The following QRSL1 variants were observed in gnomAD, a reference collection of about 807,000 sequenced individuals.
The protein encoded by QRSL1 is glutaminyl-tRNA amidotransferase subunit QRSL1, also known as glutamyl-tRNA(Gln) amidotransferase subunit A, mitochondrial.
Under a neutral mutation model 61.6 loss-of-function variants are expected in QRSL1, and 54 were observed. That is an observed-to-expected ratio of 0.88 (90% CI 0.70 to 1.10). The LOEUF is 1.10. Among genes scored for constraint, QRSL1 ranks in the 50% least tolerant of loss-of-function variants. The pLI, the probability that QRSL1 is intolerant of heterozygous loss-of-function variation, is 0.00. For missense variants in QRSL1, 505 were observed against 622.6 expected, an observed-to-expected ratio of 0.81 and a Z score of 2.01; for synonymous variants, 228 against 225.7, an observed-to-expected ratio of 1.01 and a Z score of -0.09.
At chr6:106,651,626 C>T (rs958689752) in intron 5 of QRSL1, among the ~76,000 whole-genome samples, 3 of 151,936 alleles carry the variant, frequency 2.0e-5, no homozygotes, top group African/African-American at 7.3e-5. Flanking sequence ...TTAGAAACAA[C>T]GTAAGAGTTT....
chr6:106,652,756 A>T, intron 7 of QRSL1, 174 bp downstream of exon 7: 2 of 1,512,606 alleles, frequency 1.3e-6, no homozygotes, highest in Non-Finnish European at 8.9e-7. Context: ...GTAAAATAGG[A>T]ATAATAAAAA....
intron 4 of QRSL1, among the ~76,000 whole-genome samples, chr6:106,646,209 A>G (rs1385636474): frequency 2.0e-5 from 3 of 152,178 alleles, no homozygotes; most frequent in African/African-American, 7.2e-5. Context: ...ATGAGAGTAT[A>G]TTTGAACAAA....
intron 10 of QRSL1, among the ~76,000 whole-genome samples, chr6:106,665,117 T>C (rs1777410452): frequency 6.6e-6 from 1 of 152,228 alleles, no homozygotes; most frequent in South Asian, 2.1e-4. Flanking sequence ...TCAAGTTATA[T>C]GTATCCTTTA....
intron 9 of QRSL1, among the ~76,000 whole-genome samples, chr6:106,661,976 G>T (rs980371975): frequency 1.2e-4 from 19 of 152,114 alleles, no homozygotes; most frequent in African/African-American, 4.1e-4. Context: ...CTCCCAAAGT[G>T]CTGGGATTAC....
intron 1 of QRSL1, among the ~76,000 whole-genome samples, chr6:106,631,615 A>C (rs1776833201): frequency 6.6e-6 from 1 of 152,160 alleles, no homozygotes; most frequent in South Asian, 2.1e-4. Flanking sequence ...GGAAGGTTGC[A>C]ATGGCCTTTG....
chr6:106,653,837 A>AG (rs1316116863), intron 7 of QRSL1: 1 of 152,024 alleles, frequency 6.6e-6, no homozygotes, highest in African/African-American at 2.4e-5. Flanking sequence ...AAAAAAAAAA[A>AG]AAAAAGAAGG....
intron 4 of QRSL1, among the ~76,000 whole-genome samples, chr6:106,647,209 A>G (rs117018975): frequency 6.3e-4 from 96 of 152,262 alleles, no homozygotes; most frequent in Middle Eastern, 3.4e-3. Flanking sequence ...TTCACACCTC[A>G]ATAAGAAAAC....
At position 106,654,935 on chromosome 6, in the gene QRSL1, G is replaced by T. The variant is rs368171722; in HGVS notation, c.1042+13G>T. ...GGGCTACAATATGGTAAGATGGCTG[G>T]GTTATTTTATTTTTAAGGTAGTTGT... On this transcript the variant is annotated intron_variant, in intron 8 of 10. Transcript: ENST00000369046. The T allele has an allele frequency of 2.0e-6, 3 of 1,538,348 alleles. No individual in the cohort carries two copies. The South Asian group carries it at 3.8e-5, about 19-fold the overall frequency.
chr6:106,630,767 A>AGTT (rs778683293), intron 1 of QRSL1, among the ~76,000 whole-genome samples: 1 of 152,098 alleles, frequency 6.6e-6, no homozygotes, highest in Non-Finnish European at 1.5e-5. Flanking sequence ...CCACCCTAGA[A>AGTT]GTTGTCGTTT....
intron 10 of QRSL1, among the ~76,000 whole-genome samples, chr6:106,664,313 AAACTT>A (rs1477245601): frequency 6.6e-6 from 1 of 152,204 alleles, no homozygotes; most frequent in Non-Finnish European, 1.5e-5. Context: ...ATAATGTAGA[AAACTT>A]AAGAGGAAAA....
Position 106,654,827 on chromosome 6 carries a change from C to T in QRSL1, c.947C>T (p.Ser316Phe), listed in dbSNP as rs896823538. 4 of 1,613,592 alleles carry T rather than the reference C, an allele frequency of 2.5e-6. No individual in the cohort carries two copies. In the African/African-American group the frequency reaches 5.3e-5, roughly 22 times the overall value. ...ESEGAKVIEV[S>F]LPHTSYSIVC... ...GAGGGGGCCAAAGTAATTGAAGTAT[C>T]CCTTCCTCACACCAGTTATTCAATT... The change falls in exon 8 of 11, where the codon TCC becomes TTC. Residue 316 changes from serine (S) to phenylalanine (F), a missense_variant. Ser to Phe is a radical substitution (Grantham distance 155). Transcript: ENST00000369046.
In QRSL1 at chr6:106,661,120, G is replaced by GTTTTGT. The variant is rs781226076; in HGVS notation, c.1161-1856_1161-1855insGTTTTT. Among the ~76,000 whole-genome samples the GTTTTGT allele has an allele frequency of 2.6e-5, 4 of 151,232 alleles. No homozygotes were observed. The East Asian group carries it at 5.9e-4, about 22-fold the overall frequency. On this transcript the variant is annotated intron_variant, in intron 9 of 10. Coordinates refer to ENST00000369046, the MANE Select transcript of QRSL1 (RefSeq NM_018292.5). ...ACAAGTATTTGTTTTGTTTTGTTTT[G>GTTTTGT]TTTTTTTTTGAGACGGAGTCTTGCT...
intron 9 of QRSL1, among the ~76,000 whole-genome samples, chr6:106,661,205 G>A (rs1423192306): frequency 6.6e-6 from 1 of 152,044 alleles, no homozygotes; most frequent in African/African-American, 2.4e-5. Context: ...CCACCTCCTG[G>A]GTTCAAGAGA....
intron 1 of QRSL1, among the ~76,000 whole-genome samples, chr6:106,637,456 C>G (rs1776942062): frequency 6.6e-6 from 1 of 152,002 alleles, no homozygotes; most frequent in Non-Finnish European, 1.5e-5. Context: ...GCAAAATTGT[C>G]AATGAATGAA....
chr6:106,666,206 G>A lies in QRSL1; in HGVS notation c.*204G>A. 3.8e-6 allele frequency: 2 copies of A among 529,608 alleles called. No individual in the cohort carries two copies. Among genetic ancestry groups the A allele is most frequent in the Non-Finnish European group, 6.8e-6 (2 of 295,960 alleles). 32.8% of individuals were successfully genotyped at this position (529,608 alleles called of 1,614,324 possible). A position where few individuals can be genotyped will look rare whatever the true frequency, so the allele number is the denominator to read the frequency against. ...GGGCATCTGTAGTCCCAGCTACTCAGGAGGCTGAGGCAGGAGAATCACTTG... is the reference window on the plus strand; with the variant it reads ...GGGCATCTGTAGTCCCAGCTACTCAAGAGGCTGAGGCAGGAGAATCACTTG... On this transcript the variant is annotated 3_prime_UTR_variant, in exon 11 of 11. Coordinates refer to ENST00000369046, the MANE Select transcript of QRSL1 (RefSeq NM_018292.5).
chr6:106,639,498 C>T (rs113640368), intron 1 of QRSL1, among the ~76,000 whole-genome samples: 6 of 152,156 alleles, frequency 3.9e-5, no homozygotes, highest in Admixed American at 1.3e-4. Context: ...GGAAAATACT[C>T]GGTAAATACT....
rs550444222 is a variant in QRSL1, at chr6:106,650,999, G to A, written c.558-1210G>A. On this transcript the variant is annotated intron_variant, in intron 5 of 10. Coordinates refer to ENST00000369046, the MANE Select transcript of QRSL1 (RefSeq NM_018292.5). The stretch of plus-strand genomic sequence containing the variant: ...CAGCCTAACCATTTTTAAAAGTACA[G>A]TTCAAAAGTATTAAAAACATGCAAT... Among the ~76,000 whole-genome samples the A allele has an allele frequency of 4.6e-5, 7 of 152,196 alleles. 1 individual carries two copies. In the South Asian group the frequency reaches 1.4e-3, roughly 32 times the overall value.
At chr6:106,655,871 C>A in intron 9 of QRSL1, 139 bp downstream of exon 9, 2 of 569,060 alleles carry the variant, frequency 3.5e-6, no homozygotes, top group Non-Finnish European at 6.4e-6. Flanking sequence ...GTTTATGGCA[C>A]TTTTGGGTCC....
intron 1 of QRSL1, among the ~76,000 whole-genome samples, chr6:106,632,834 ACTC>A (rs1303693482): frequency 4.6e-5 from 7 of 151,422 alleles, no homozygotes; most frequent in African/African-American, 1.7e-4. Flanking sequence ...AGTTGTTTGA[ACTC>A]CTTATATACT....
Sources: gnomAD v4.1 joint callset for allele counts (sites outside exome capture counted in the v4.1 genomes callset) on GRCh38, gnomAD v4.1.1 for gene constraint, MANE v1.5 for transcripts, NCBI Gene and HGNC (gene_info 2026-07-23, HGNC 2026-07-21) for gene names.